The following STPG2 variants were observed in gnomAD, a reference collection of about 807,000 sequenced individuals.
The protein encoded by STPG2 is sperm tail PG-rich repeat containing 2, also known as sperm-tail PG-rich repeat-containing protein 2.
Under a neutral mutation model 54.2 loss-of-function variants are expected in STPG2, and 56 were observed. That is an observed-to-expected ratio of 1.03 (90% confidence interval 0.83 to 1.29). The LOEUF is 1.29. Ranked by LOEUF, STPG2 falls within the 50% of genes most tolerant of loss-of-function variation. The probability of loss-of-function intolerance (pLI) is 0.00; values close to 1 mark genes in which losing one functional copy is unlikely to be tolerated. For missense variants in STPG2, 596 were observed against 544.9 expected, an observed-to-expected ratio of 1.09 and a Z score of -0.93; for synonymous variants, 200 against 181.8, an observed-to-expected ratio of 1.10 and a Z score of -0.81.
At chr4:98,013,224 A>G (rs1485128943) in intron 5 of STPG2, among the ~76,000 whole-genome samples, 2 of 152,122 alleles carry the variant, frequency 1.3e-5, no homozygotes, top group African/African-American at 2.4e-5. Context: ...GGTTTTTGTC[A>G]TTGCTTCTGT....
chr4:97,845,677 A>T (rs1245875025), intron 8 of STPG2, among the ~76,000 whole-genome samples: 2 of 152,220 alleles, frequency 1.3e-5, no homozygotes, highest in Non-Finnish European at 2.9e-5. Flanking sequence ...TTGATAAACT[A>T]TTACTGATAA....
intron 8 of STPG2, among the ~76,000 whole-genome samples, chr4:97,876,584 T>A (rs112802625): frequency 0.012 from 1,883 of 152,180 alleles, 34 homozygotes; most frequent in African/African-American, 0.043. Flanking sequence ...TTTAGGGAAC[T>A]GCTTTATTTT....
At chr4:98,090,845 G>C (rs1202471885) in intron 5 of STPG2, among the ~76,000 whole-genome samples, 1 of 151,676 alleles carries the variant, frequency 6.6e-6, no homozygotes, top group African/African-American at 2.4e-5. Flanking sequence ...TAATGCAAAG[G>C]CTGGTTCCTA....
At chr4:97,565,832 AT>A (rs1732416719) in intron 10 of STPG2, among the ~76,000 whole-genome samples, 1 of 128,326 alleles carries the variant, frequency 7.8e-6, no homozygotes, top group Non-Finnish European at 1.8e-5. Flanking sequence ...GTGAGGTGTC[AT>A]TCTGCCGCTA....
intron 9 of STPG2, among the ~76,000 whole-genome samples, chr4:97,838,813 T>C (rs565693796): frequency 7.9e-5 from 12 of 151,664 alleles, no homozygotes; most frequent in African/African-American, 2.2e-4. Context: ...AGATACAAAA[T>C]TTCATATATC....
intron 8 of STPG2, among the ~76,000 whole-genome samples, chr4:97,937,868 C>A (rs1257354810): frequency 6.6e-6 from 1 of 152,074 alleles, no homozygotes; most frequent in Non-Finnish European, 1.5e-5. Context: ...CTGGGGTGGG[C>A]GCAGGAACCA....
intron 4 of STPG2, among the ~76,000 whole-genome samples, chr4:97,550,695 A>G (rs1731945211): frequency 6.6e-6 from 1 of 152,146 alleles, no homozygotes; most frequent in East Asian, 1.9e-4. Flanking sequence ...ACAGTTCTTA[A>G]AGATGGTGTG....
chr4:97,750,145 T>A (rs1725540164), intron 9 of STPG2, among the ~76,000 whole-genome samples: 1 of 151,878 alleles, frequency 6.6e-6, no homozygotes, highest in African/African-American at 2.4e-5. Context: ...CAGTTTTTCT[T>A]TGCTGGTGCA....
intron 4 of STPG2, among the ~76,000 whole-genome samples, chr4:97,537,183 G>C (rs1731553309): frequency 1.3e-5 from 2 of 152,126 alleles, no homozygotes; most frequent in South Asian, 2.1e-4. Flanking sequence ...ACTGGGACCT[G>C]TCGGACAGTG....
At chr4:97,740,708 A>G (rs1017368249) in intron 9 of STPG2, among the ~76,000 whole-genome samples, 17 of 152,178 alleles carry the variant, frequency 1.1e-4, no homozygotes, top group Admixed American at 6.5e-4. Flanking sequence ...CAAGGAAATA[A>G]AAGAGGATAC....
chr4:97,613,598 A>C (rs1430603899), intron 10 of STPG2, among the ~76,000 whole-genome samples: 1 of 151,752 alleles, frequency 6.6e-6, no homozygotes, highest in East Asian at 1.9e-4. Flanking sequence ...GTTTCTATAT[A>C]GAATATTTAA....
intron 9 of STPG2, among the ~76,000 whole-genome samples, chr4:97,837,543 G>T (rs1021505404): frequency 4.0e-5 from 6 of 151,544 alleles, no homozygotes; most frequent in African/African-American, 1.5e-4. Flanking sequence ...TTAAAACTTG[G>T]TGTAATAAGA....
At chr4:98,088,868 T>C (rs1461735596) in intron 5 of STPG2, among the ~76,000 whole-genome samples, 2 of 152,134 alleles carry the variant, frequency 1.3e-5, no homozygotes, top group African/African-American at 2.4e-5. Flanking sequence ...GTCTTCAACT[T>C]AGTCCAGTGC....
chr4:97,872,307 T>A (rs1730018825), intron 8 of STPG2, among the ~76,000 whole-genome samples: 1 of 151,174 alleles, frequency 6.6e-6, no homozygotes, highest in Non-Finnish European at 1.5e-5. Context: ...ACAAAAGACA[T>A]CACTAAAGGC....
Position 97,745,264 on chromosome 4 carries a change from A to C in STPG2, c.1205-32450T>G, listed in dbSNP as rs200062762. Reference sequence around the variant, plus strand: ...AAAACTAAAAAAAAAACAAAAAAACAAAAAAAAAAACAATTGCAGAAAAGT... The same window carrying C: ...AAAACTAAAAAAAAAACAAAAAAACCAAAAAAAAAACAATTGCAGAAAAGT... On this transcript the variant is annotated intron_variant, in intron 9 of 10. Coordinates refer to ENST00000295268, the MANE Select transcript of STPG2 (RefSeq NM_174952.3). Among the ~76,000 whole-genome samples, 342 of 124,020 alleles carry C rather than the reference A, an allele frequency of 2.8e-3. 9 individuals carry two copies. The East Asian group carries it at 0.072, about 26-fold the overall frequency. 81.4% of individuals were successfully genotyped at this position (124,020 alleles called of 152,430 possible). A position where few individuals can be genotyped will look rare whatever the true frequency, so the allele number is the denominator to read the frequency against.
chr4:97,686,031 T>G (rs954629036), intron 10 of STPG2, among the ~76,000 whole-genome samples: 1 of 152,184 alleles, frequency 6.6e-6, no homozygotes. Flanking sequence ...TCAGAGAACG[T>G]GGACTGTTTA....
At chr4:97,787,965 T>C (rs940039640) in intron 9 of STPG2, among the ~76,000 whole-genome samples, 23 of 151,866 alleles carry the variant, frequency 1.5e-4, no homozygotes, top group Non-Finnish European at 5.9e-5. Flanking sequence ...AGTAGGTGTA[T>C]AGATTTATGG....
At chr4:97,768,022 G>T (rs1370896276) in intron 9 of STPG2, among the ~76,000 whole-genome samples, 3 of 151,934 alleles carry the variant, frequency 2.0e-5, no homozygotes, top group Non-Finnish European at 2.9e-5. Flanking sequence ...AAAAAAATTA[G>T]CGGGCGTGGT....
At chr4:98,114,573 A>C (rs1739453729) in intron 3 of STPG2, among the ~76,000 whole-genome samples, 1 of 152,020 alleles carries the variant, frequency 6.6e-6, no homozygotes, top group Admixed American at 6.6e-5. Flanking sequence ...AACTCTTTTA[A>C]TGCAAGGATT....
Sources: gnomAD v4.1 joint callset for allele counts (sites outside exome capture counted in the v4.1 genomes callset) on GRCh38, gnomAD v4.1.1 for gene constraint, MANE v1.5 for transcripts, NCBI Gene and HGNC (gene_info 2026-07-23, HGNC 2026-07-21) for gene names.